PTPRT: variants seen among roughly 807,000 people sequenced by gnomAD.
PTPRT encodes the protein protein tyrosine phosphatase receptor type T, also known as receptor-type tyrosine-protein phosphatase T.
Under a neutral mutation model 176.8 loss-of-function variants are expected in PTPRT, and 56 were observed. That is an observed-to-expected ratio of 0.32 (90% confidence interval 0.26 to 0.40). The LOEUF (loss-of-function observed/expected upper bound fraction) is 0.40, where lower values mean the gene tolerates loss of function less well. Ranked by LOEUF, PTPRT falls within the 10% of genes least tolerant of loss-of-function variation. The pLI is 1.00. For missense variants in PTPRT, 1,540 were observed against 1,908.2 expected (o/e 0.81, Z 3.60); for synonymous variants, 783 against 739.0 (o/e 1.06, Z -0.96).
chr20:42,276,530 TA>T (rs1568731675), intron 13 of PTPRT, among the ~76,000 whole-genome samples: 1,204 of 46,854 alleles, frequency 0.026, 110 homozygotes, highest in East Asian at 0.092. Flanking sequence ...TATATATATA[TA>T]TATATATATA....
intron 6 of PTPRT, among the ~76,000 whole-genome samples, chr20:42,711,180 T>C (rs1372351296): frequency 6.6e-6 from 1 of 152,216 alleles, no homozygotes. Flanking sequence ...TCTGAGTGGA[T>C]GCTCTAATAA....
At chr20:42,380,909 G>A (rs1234342834) in intron 9 of PTPRT, among the ~76,000 whole-genome samples, 4 of 152,214 alleles carry the variant, frequency 2.6e-5, no homozygotes, top group Non-Finnish European at 4.4e-5. Flanking sequence ...GAAGCATGAT[G>A]TTGCCATCTG....
At chr20:43,148,030 T>C (rs1377648783) in intron 1 of PTPRT, among the ~76,000 whole-genome samples, 1 of 152,176 alleles carries the variant, frequency 6.6e-6, no homozygotes, top group Non-Finnish European at 1.5e-5. Flanking sequence ...GCAAGGGCTC[T>C]GTCTGTGGAA....
intron 1 of PTPRT, among the ~76,000 whole-genome samples, chr20:42,911,983 T>C (rs1978415341): frequency 6.6e-6 from 1 of 150,802 alleles, no homozygotes; most frequent in African/African-American, 2.4e-5. Context: ...TTTCTTTTTT[T>C]TTTTTTTTTT....
At chr20:42,607,478 G>C (rs1350905839) in intron 7 of PTPRT, 3 of 152,100 alleles carry the variant, frequency 2.0e-5, no homozygotes, top group African/African-American at 7.2e-5. Flanking sequence ...AATGACCACT[G>C]GGACTGCACA....
chr20:42,084,389 G>T (rs921064220), intron 29 of PTPRT, among the ~76,000 whole-genome samples: 1 of 152,210 alleles, frequency 6.6e-6, no homozygotes, highest in Admixed American at 6.5e-5. Context: ...TTTGTCCTAT[G>T]ATCCCTTTAA....
At chr20:42,897,944 G>A (rs2145906845) in intron 1 of PTPRT, among the ~76,000 whole-genome samples, 1 of 152,298 alleles carries the variant, frequency 6.6e-6, no homozygotes. Context: ...AATTAGAAAT[G>A]GAAAAGGCAG....
chr20:42,086,743 A>T (rs879443333), intron 27 of PTPRT, among the ~76,000 whole-genome samples: 2,143 of 38,020 alleles, frequency 0.056, 270 homozygotes, highest in African/African-American at 0.15. Context: ...AAAAAAAAAA[A>T]AAAAAAAAAA....
chr20:43,107,047 C>T (rs1023819694), intron 1 of PTPRT, among the ~76,000 whole-genome samples: 4 of 152,132 alleles, frequency 2.6e-5, no homozygotes, highest in Non-Finnish European at 4.4e-5. Context: ...GCCTCGGCCT[C>T]CCAAAGTGCT....
intron 16 of PTPRT, among the ~76,000 whole-genome samples, chr20:42,192,057 G>A (rs1486837960): frequency 1.3e-5 from 2 of 152,130 alleles, no homozygotes; most frequent in East Asian, 1.9e-4. Flanking sequence ...ATGAAATCAA[G>A]ATAATGATTC....
intron 1 of PTPRT, among the ~76,000 whole-genome samples, chr20:43,140,978 T>C (rs1389844834): frequency 6.6e-6 from 1 of 152,130 alleles, no homozygotes; most frequent in Admixed American, 6.5e-5. Flanking sequence ...CCAAAGACTC[T>C]CTCCAAACTT....
Position 42,559,967 on chromosome 20 carries a change from C to A in PTPRT, c.1154-87405G>T, listed in dbSNP as rs140425287. Reference sequence around the variant, plus strand: ...TCTCTTTCAGCATCCTGCACATTTTCTCTTCCCTGAACCCAGAGAAATCTC... The same window carrying A: ...TCTCTTTCAGCATCCTGCACATTTTATCTTCCCTGAACCCAGAGAAATCTC... On this transcript the variant is annotated intron_variant, in intron 7 of 30. Coordinates refer to ENST00000373187, the MANE Select transcript of PTPRT (RefSeq NM_007050.6). Among the ~76,000 whole-genome samples, 307 of 152,304 alleles carry A rather than the reference C, an allele frequency of 2.0e-3. 5 individuals carry two copies. The highest frequency in any genetic ancestry group is 0.019 in the Admixed American group (287 of 15,288).
At chr20:42,228,846 G>A (rs2146824916) in intron 15 of PTPRT, among the ~76,000 whole-genome samples, 1 of 152,276 alleles carries the variant, frequency 6.6e-6, no homozygotes, top group African/African-American at 2.4e-5. Flanking sequence ...TCCCTACATG[G>A]AGACTGACAT....
At chr20:42,630,605 G>A (rs2074385462) in intron 7 of PTPRT, among the ~76,000 whole-genome samples, 2 of 152,102 alleles carry the variant, frequency 1.3e-5, no homozygotes, top group South Asian at 4.1e-4. Flanking sequence ...AGAAGGTAAA[G>A]ACAATTTTTA....
chr20:42,129,572 C>T (rs1988026419), intron 18 of PTPRT, among the ~76,000 whole-genome samples: 1 of 152,214 alleles, frequency 6.6e-6, no homozygotes, highest in African/African-American at 2.4e-5. Context: ...AATAGACACA[C>T]ACAAGTGGAA....
At chr20:42,847,339 G>A (rs1002415947) in intron 2 of PTPRT, among the ~76,000 whole-genome samples, 1 of 152,138 alleles carries the variant, frequency 6.6e-6, no homozygotes, top group African/African-American at 2.4e-5. Flanking sequence ...CACAGGGAAG[G>A]CCCAGGGAAT....
chr20:42,486,483 A>G (rs1468476321), intron 7 of PTPRT, among the ~76,000 whole-genome samples: 1 of 152,192 alleles, frequency 6.6e-6, no homozygotes, highest in Non-Finnish European at 1.5e-5. Flanking sequence ...TGACATTGAA[A>G]AAATAATTTT....
intron 12 of PTPRT, among the ~76,000 whole-genome samples, chr20:42,311,725 C>T (rs1321102981): frequency 6.6e-6 from 1 of 152,016 alleles, no homozygotes. Context: ...CTAGTGCTTT[C>T]ATCTTCTGGC....
At chr20:43,071,436 C>T (rs2011178955) in intron 1 of PTPRT, among the ~76,000 whole-genome samples, 1 of 152,166 alleles carries the variant, frequency 6.6e-6, no homozygotes, top group Non-Finnish European at 1.5e-5. Flanking sequence ...CTCAATTAAA[C>T]TGCATTTACA....
Sources: allele counts gnomAD v4.1 joint callset (sites outside exome capture counted in the v4.1 genomes callset), GRCh38; gene constraint gnomAD v4.1.1; transcripts MANE v1.5; gene names NCBI Gene and HGNC (gene_info 2026-07-23, HGNC 2026-07-21).